The following CHD9 variants were observed in gnomAD, a reference collection of about 807,000 sequenced individuals.
CHD9 encodes chromodomain helicase DNA binding protein 9, also known as ATP-dependent chromatin remodeler CHD9.
Under a neutral mutation model 316.1 loss-of-function variants are expected in CHD9, and 77 were observed. That is an observed-to-expected ratio of 0.24 (90% CI 0.20 to 0.29). The LOEUF is 0.29. Among genes scored for constraint, CHD9 ranks in the 10% least tolerant of loss-of-function variants. The pLI is 1.00. For missense variants in CHD9, 2,763 were observed against 3,438.1 expected, an observed-to-expected ratio of 0.80 and a Z score of 4.91; for synonymous variants, 1,129 against 1,158.3, an observed-to-expected ratio of 0.97 and a Z score of 0.51.
At chr16:53,089,836 G>A (rs1161120076) in intron 1 of CHD9, among the ~76,000 whole-genome samples, 1 of 152,218 alleles carries the variant, frequency 6.6e-6, no homozygotes, top group Admixed American at 6.5e-5. Flanking sequence ...TGGAAGGAAA[G>A]ACACTGGCAC....
chr16:53,087,887 G>T (rs1042757247), intron 1 of CHD9, among the ~76,000 whole-genome samples: 4 of 151,796 alleles, frequency 2.6e-5, no homozygotes, highest in African/African-American at 9.7e-5. Context: ...GGCTGAGTTT[G>T]CAGTGAGCCG....
chr16:53,220,859 A>G lies in CHD9; in HGVS notation c.1785-1785A>G, dbSNP rs548938027. The stretch of plus-strand genomic sequence containing the variant: ...CATGTTCTCCTCACTCTTCTGTGGT[A>G]TCCCCCTACCTGGAATGTACTCTGC... On this transcript the variant is annotated intron_variant, in intron 3 of 38. Transcript: ENST00000447540. 3.3e-5 allele frequency among the ~76,000 whole-genome samples: 5 copies of G among 152,312 alleles called. No homozygotes were observed. The East Asian group carries it at 7.7e-4, about 23-fold the overall frequency.
chr16:53,124,846 C>T (rs371308340), intron 1 of CHD9, among the ~76,000 whole-genome samples: 32 of 151,254 alleles, frequency 2.1e-4, no homozygotes, highest in Middle Eastern at 3.4e-3. Flanking sequence ...TTACCTCCCA[C>T]TGGGGCCCTC....
At chr16:53,198,605 C>T (rs1055892551) in intron 2 of CHD9, among the ~76,000 whole-genome samples, 1 of 152,150 alleles carries the variant, frequency 6.6e-6, no homozygotes, top group Non-Finnish European at 1.5e-5. Context: ...GGATTACAGG[C>T]GTGAGCCACC....
intron 34 of CHD9, chr16:53,311,503 C>T (rs1009249996): frequency 6.6e-6 from 1 of 152,172 alleles, no homozygotes; most frequent in African/African-American, 2.4e-5. Context: ...AAAATATGTA[C>T]TCATAGATTT....
intron 1 of CHD9, among the ~76,000 whole-genome samples, chr16:53,067,358 A>G (rs2033619734): frequency 6.6e-6 from 1 of 152,214 alleles, no homozygotes; most frequent in Non-Finnish European, 1.5e-5. Context: ...ATTAACTAAA[A>G]ACATAGTTTA....
At position 53,305,771 on chromosome 16, in the gene CHD9, G is replaced by T. The variant is rs191396617; in HGVS notation, c.6620-466G>T. ...ACATGAGCAGGAGCTGGGGTCTCTT[G>T]TAACAACTCCATAGGCATAACTTTC... On this transcript the variant is annotated intron_variant, in intron 31 of 38. Coordinates refer to ENST00000447540, the MANE Select transcript of CHD9 (RefSeq NM_001308319.2). Among the ~76,000 whole-genome samples, 559 of 152,294 alleles carry T rather than the reference G, an allele frequency of 3.7e-3. 6 individuals carry two copies. Among genetic ancestry groups the T allele is most frequent in the African/African-American group, 0.013 (526 of 41,548 alleles).
intron 2 of CHD9, among the ~76,000 whole-genome samples, chr16:53,172,881 T>C (rs2042866624): frequency 1.3e-5 from 2 of 152,194 alleles, no homozygotes; most frequent in Non-Finnish European, 2.9e-5. Flanking sequence ...TGATTTGTTA[T>C]TGTGTTGTAA....
chr16:53,152,383 G>A (rs1001493295), intron 1 of CHD9, among the ~76,000 whole-genome samples: 1 of 152,190 alleles, frequency 6.6e-6, no homozygotes, highest in Non-Finnish European at 1.5e-5. Context: ...TTTCTGTGGA[G>A]AGACAGGTGT....
In CHD9 at chr16:53,255,705, A is replaced by T; in HGVS notation, c.4135A>T (p.Ile1379Phe). The change falls in exon 19 of 39, where the codon ATC becomes TTC. Residue 1379 changes from isoleucine (I) to phenylalanine (F), a missense_variant. This residue lies in a region of CHD9 where 199 missense variants were observed against 251.7 expected (regional missense o/e 0.79). Coordinates refer to ENST00000447540, the MANE Select transcript of CHD9 (RefSeq NM_001308319.2). ...AGGCTCTAAATTCTGCGAAGAGGATATCGATCAGATTTTACTACGTCGTAC... is the reference window on the plus strand; with the variant it reads ...AGGCTCTAAATTCTGCGAAGAGGATTTCGATCAGATTTTACTACGTCGTAC... ...DEGSKFCEED[I>F]DQILLRRTKT... is the part of the protein sequence containing the mutation. 6.2e-7 allele frequency: 1 copy of T among 1,613,924 alleles called. No homozygotes were observed. Among genetic ancestry groups the T allele is most frequent in the East Asian group, 2.2e-5 (1 of 44,864 alleles).
chr16:53,138,229 A>T (rs1303771980), intron 1 of CHD9, among the ~76,000 whole-genome samples: 2 of 152,206 alleles, frequency 1.3e-5, no homozygotes, highest in Non-Finnish European at 2.9e-5. Context: ...AGGTAGTGGG[A>T]AATTGGGCTT....
chr16:53,117,308 A>T (rs1192262308), intron 1 of CHD9, among the ~76,000 whole-genome samples: 1 of 152,152 alleles, frequency 6.6e-6, no homozygotes, highest in Non-Finnish European at 1.5e-5. Flanking sequence ...AAAAAATTCA[A>T]TTATATATTT....
At chr16:53,222,467 A>G (rs2047328757) in intron 3 of CHD9, among the ~76,000 whole-genome samples, 177 bp from the exon 4 acceptor site, 1 of 152,206 alleles carries the variant, frequency 6.6e-6, no homozygotes, top group African/African-American at 2.4e-5. Context: ...TGTTTGTTCC[A>G]TTAGAATAGA....
chr16:53,193,969 A>T (rs1263677591), intron 2 of CHD9, among the ~76,000 whole-genome samples: 3 of 152,218 alleles, frequency 2.0e-5, no homozygotes, highest in Admixed American at 6.5e-5. Context: ...ACGTAGAGTA[A>T]AAGTGATATC....
chr16:53,173,192 A>G (rs1204117439), intron 2 of CHD9, among the ~76,000 whole-genome samples: 1 of 152,116 alleles, frequency 6.6e-6, no homozygotes, highest in Non-Finnish European at 1.5e-5. Flanking sequence ...AATATTTTTA[A>G]TTATAAATTT....
chr16:53,088,339 G>A (rs2035650153), intron 1 of CHD9, among the ~76,000 whole-genome samples: 1 of 147,254 alleles, frequency 6.8e-6, no homozygotes, highest in African/African-American at 2.5e-5. Flanking sequence ...GTGCAGTGGC[G>A]CGATCTCAGC....
At chr16:53,174,938 T>C (rs943568032) in intron 2 of CHD9, among the ~76,000 whole-genome samples, 10 of 152,222 alleles carry the variant, frequency 6.6e-5, no homozygotes, top group Admixed American at 2.6e-4. Context: ...AGTTTTGTTC[T>C]GGGATGCAGT....
chr16:53,196,930 A>G (rs576784698), intron 2 of CHD9, among the ~76,000 whole-genome samples: 1 of 152,320 alleles, frequency 6.6e-6, no homozygotes, highest in Admixed American at 6.5e-5. Context: ...ATACTTCTTC[A>G]GAAGAAAAGT....
intron 30 of CHD9, among the ~76,000 whole-genome samples, chr16:53,302,584 T>G (rs1284683865): frequency 6.6e-6 from 1 of 152,242 alleles, no homozygotes; most frequent in Non-Finnish European, 1.5e-5. Context: ...TTCTCAAACT[T>G]TCACCCATTG....
Sources: gnomAD v4.1 joint callset for allele counts (sites outside exome capture counted in the v4.1 genomes callset) on GRCh38, gnomAD v4.1.1 for gene constraint, gnomAD v4.1.1 regional missense constraint, MANE v1.5 for transcripts, NCBI Gene and HGNC (gene_info 2026-07-23, HGNC 2026-07-21) for gene names.